The following ALKAL1 variants were observed in gnomAD, a reference collection of about 807,000 sequenced individuals.
The protein encoded by ALKAL1 is AUG-beta.
Under a neutral mutation model 13.5 loss-of-function variants are expected in ALKAL1, and 23 were observed. The observed-to-expected ratio is 1.70, with a 90% CI of 1.23 to 2.41. ALKAL1 has a LOEUF of 2.41. Ranked by LOEUF, ALKAL1 falls within the 30% of genes most tolerant of loss-of-function variation. ALKAL1 has a pLI of 0.00. For missense variants in ALKAL1, 181 were observed against 178.4 expected (o/e 1.01, Z -0.08); for synonymous variants, 85 against 77.7 (o/e 1.09, Z -0.49).
chr8:52,539,946 T>A, intron 2 of ALKAL1, 35 bp from the exon 3 acceptor site: 1 of 1,585,644 alleles, frequency 6.3e-7, no homozygotes, highest in Non-Finnish European at 8.6e-7. Flanking sequence ...ATTATAAACA[T>A]AGGCATGTTT....
At chr8:52,564,578 G>T (rs993822405) in intron 1 of ALKAL1, among the ~76,000 whole-genome samples, 1 of 152,134 alleles carries the variant, frequency 6.6e-6, no homozygotes, top group Non-Finnish European at 1.5e-5. Context: ...AACATAAGCC[G>T]CCGCCTGCTG....
chr8:52,549,570 A>G (rs1847409287), intron 1 of ALKAL1, among the ~76,000 whole-genome samples: 1 of 152,002 alleles, frequency 6.6e-6, no homozygotes, highest in Non-Finnish European at 1.5e-5. Flanking sequence ...AGTTGTATTG[A>G]AAAAGGGCCG....
intron 1 of ALKAL1, among the ~76,000 whole-genome samples, chr8:52,550,598 C>A (rs1054004642): frequency 8.5e-5 from 13 of 152,212 alleles, no homozygotes; most frequent in African/African-American, 3.1e-4. Context: ...GACTTGCTAT[C>A]TCGCAGTTCT....
At position 52,544,197 on chromosome 8, in the gene ALKAL1, G is replaced by T. The variant is rs985762854; in HGVS notation, c.191-1752C>A. Among the ~76,000 whole-genome samples the T allele has an allele frequency of 2.0e-5, 3 of 152,118 alleles. No homozygotes were observed. The South Asian group carries it at 6.2e-4, about 32-fold the overall frequency. On this transcript the variant is annotated intron_variant, in intron 1 of 4. Coordinates refer to ENST00000358543, the MANE Select transcript of ALKAL1 (RefSeq NM_207413.4). ...TGCTACCGCTCAAATGGAAACATCA[G>T]TGCCTCCTTGTACTCAGTACAGCCC...
At chr8:52,558,985 C>T (rs543664384) in intron 1 of ALKAL1, among the ~76,000 whole-genome samples, 3 of 152,226 alleles carry the variant, frequency 2.0e-5, no homozygotes, top group Admixed American at 2.0e-4. Flanking sequence ...GCAGAGAACC[C>T]GTGGCCTGAC....
chr8:52,551,165 G>C (rs1346196147), intron 1 of ALKAL1, among the ~76,000 whole-genome samples: 2 of 152,092 alleles, frequency 1.3e-5, no homozygotes, highest in Non-Finnish European at 2.9e-5. Flanking sequence ...AATATATTCT[G>C]TAATGTGAGG....
At chr8:52,544,781 G>A (rs1466910778) in intron 1 of ALKAL1, among the ~76,000 whole-genome samples, 1 of 152,134 alleles carries the variant, frequency 6.6e-6, no homozygotes, top group Non-Finnish European at 1.5e-5. Context: ...GCAACTGTGA[G>A]ATGATGGATA....
chr8:52,550,883 A>G (rs1051678431), intron 1 of ALKAL1, among the ~76,000 whole-genome samples: 3 of 152,234 alleles, frequency 2.0e-5, no homozygotes, highest in Non-Finnish European at 4.4e-5. Flanking sequence ...ATAACTAATT[A>G]CATCTGCAAT....
chr8:52,562,837 G>A (rs749239096), intron 1 of ALKAL1, among the ~76,000 whole-genome samples: 115 of 152,138 alleles, frequency 7.6e-4, no homozygotes, highest in Non-Finnish European at 2.6e-4. Flanking sequence ...TTTTCCTCCT[G>A]AATGAACGAT....
At chr8:52,544,092 C>T (rs936386544) in intron 1 of ALKAL1, among the ~76,000 whole-genome samples, 2 of 151,978 alleles carry the variant, frequency 1.3e-5, no homozygotes, top group African/African-American at 2.4e-5. Flanking sequence ...GAAAGGGATG[C>T]GGTCTTGTCC....
chr8:52,536,029 C>T (rs1479534358), intron 4 of ALKAL1, among the ~76,000 whole-genome samples: 1 of 152,132 alleles, frequency 6.6e-6, no homozygotes, highest in Admixed American at 6.6e-5. Context: ...ATCTCCACCT[C>T]TTGGGTTCAA....
intron 1 of ALKAL1, among the ~76,000 whole-genome samples, chr8:52,560,710 T>C (rs1212731296): frequency 6.6e-6 from 1 of 152,206 alleles, no homozygotes. Flanking sequence ...CCACAATTCC[T>C]ACAAGAAATA....
chr8:52,539,745 T>G, intron 3 of ALKAL1, 86 bp downstream of exon 3: 1 of 970,838 alleles, frequency 1.0e-6, no homozygotes, highest in East Asian at 2.4e-5. Flanking sequence ...GTCTACTACT[T>G]CCCACCCACA....
chr8:52,543,695 AG>A (rs1276894837), intron 1 of ALKAL1, among the ~76,000 whole-genome samples: 1 of 152,186 alleles, frequency 6.6e-6, no homozygotes. Flanking sequence ...GCCCGAACAT[AG>A]GTCTTTTCCC....
intron 1 of ALKAL1, among the ~76,000 whole-genome samples, chr8:52,557,574 T>C (rs1293419888): frequency 6.6e-6 from 1 of 152,252 alleles, no homozygotes; most frequent in Non-Finnish European, 1.5e-5. Flanking sequence ...TCAGACTTTT[T>C]TTAACGGTTG....
At chr8:52,550,758 G>A (rs1337860637) in intron 1 of ALKAL1, among the ~76,000 whole-genome samples, 1 of 152,084 alleles carries the variant, frequency 6.6e-6, no homozygotes, top group Non-Finnish European at 1.5e-5. Flanking sequence ...TCCAATCTCT[G>A]CCTTCATTGC....
rs1421837421 is a variant in ALKAL1, at chr8:52,534,447, T to C, written c.*166A>G. 7 of 428,898 alleles carry C rather than the reference T, an allele frequency of 1.6e-5. No homozygotes were observed. The highest frequency in any genetic ancestry group is 2.8e-5 in the Non-Finnish European group (7 of 245,728). 26.6% of individuals were successfully genotyped at this position (428,898 alleles called of 1,614,324 possible). A position where few individuals can be genotyped will look rare whatever the true frequency, so the allele number is the denominator to read the frequency against. ...AAAAGATAAAGCAAGAAAGACTCCA[T>C]TCTATGACAGGAAACAGCTAACCAG... On this transcript the variant is annotated 3_prime_UTR_variant, in exon 5 of 5. Coordinates refer to ENST00000358543, the MANE Select transcript of ALKAL1 (RefSeq NM_207413.4).
At position 52,565,365 on chromosome 8, in the gene ALKAL1, G is replaced by A. The variant is rs1352717249; in HGVS notation, c.-109C>T. The stretch of plus-strand genomic sequence containing the variant: ...AGCGGGACCACAGCGCGGCTACGCG[G>A]CCGGCCGCAGTCTTCACCGCGCGCC... On this transcript the variant is annotated 5_prime_UTR_variant, in exon 1 of 5. Transcript: ENST00000358543. 28 of 901,426 alleles carry A rather than the reference G, an allele frequency of 3.1e-5. No individual in the cohort carries two copies. The highest frequency in any genetic ancestry group is 5.2e-5 in the African/African-American group (3 of 57,616). 55.8% of individuals were successfully genotyped at this position (901,426 alleles called of 1,614,324 possible). A position where few individuals can be genotyped will look rare whatever the true frequency, so the allele number is the denominator to read the frequency against.
At chr8:52,557,034 T>A (rs1847491450) in intron 1 of ALKAL1, among the ~76,000 whole-genome samples, 1 of 152,224 alleles carries the variant, frequency 6.6e-6, no homozygotes, top group Non-Finnish European at 1.5e-5. Flanking sequence ...AAGATAGTTA[T>A]AAGAAAAAGT....
Sources: allele counts gnomAD v4.1 joint callset (sites outside exome capture counted in the v4.1 genomes callset), GRCh38; gene constraint gnomAD v4.1.1; transcripts MANE v1.5; gene names NCBI Gene and HGNC (gene_info 2026-07-23, HGNC 2026-07-21).